The following GPM6A variants were observed in gnomAD, a reference collection of about 807,000 sequenced individuals.
The protein encoded by GPM6A is neuronal membrane glycoprotein M6-a.
Under a neutral mutation model 32.1 loss-of-function variants are expected in GPM6A, and 7 were observed. That is an observed-to-expected ratio of 0.22 (90% CI 0.12 to 0.41). The LOEUF (loss-of-function observed/expected upper bound fraction) is 0.41, where lower values mean the gene tolerates loss of function less well. GPM6A is among the 10% of genes least tolerant of loss of function. GPM6A has a pLI of 1.00. For synonymous variants in GPM6A, 130 were observed against 123.4 expected, an observed-to-expected ratio of 1.05 and a Z score of -0.35; for missense variants, 235 against 347.2, an observed-to-expected ratio of 0.68 and a Z score of 2.57.
At chr4:175,731,223 G>A (rs1731417163) in intron 1 of GPM6A, among the ~76,000 whole-genome samples, 1 of 152,108 alleles carries the variant, frequency 6.6e-6, no homozygotes, top group African/African-American at 2.4e-5. Context: ...CTGCTTAGCT[G>A]GAGTTTCATC....
At chr4:175,823,665 C>G (rs1025248421) in intron 1 of GPM6A, among the ~76,000 whole-genome samples, 3 of 152,172 alleles carry the variant, frequency 2.0e-5, no homozygotes, top group Admixed American at 6.5e-5. Context: ...AAAAACAAGA[C>G]TCAAGTTTTC....
chr4:175,952,525 G>T (rs940239708), intron 1 of GPM6A, among the ~76,000 whole-genome samples: 2 of 152,160 alleles, frequency 1.3e-5, no homozygotes, highest in African/African-American at 4.8e-5. Flanking sequence ...GGTAAGGATT[G>T]TTGTAAGAAA....
intron 1 of GPM6A, among the ~76,000 whole-genome samples, chr4:175,759,656 A>G (rs1326106991): frequency 1.3e-5 from 2 of 152,212 alleles, no homozygotes; most frequent in African/African-American, 4.8e-5. Context: ...TATCCCAGAA[A>G]TGAACACTGG....
chr4:175,787,460 G>T (rs191622431), intron 1 of GPM6A: 3 of 1,495,296 alleles, frequency 2.0e-6, no homozygotes, highest in African/African-American at 2.8e-5. Flanking sequence ...CGTGTTCTGA[G>T]ATTTTTTCTA....
At chr4:175,693,899 A>C (rs1277319580) in intron 2 of GPM6A, among the ~76,000 whole-genome samples, 1 of 152,136 alleles carries the variant, frequency 6.6e-6, no homozygotes, top group Admixed American at 6.6e-5. Context: ...ATGGTTTAGC[A>C]CTATCCCCTC....
chr4:175,716,559 A>C (rs528284538), intron 1 of GPM6A, among the ~76,000 whole-genome samples: 1 of 152,302 alleles, frequency 6.6e-6, no homozygotes, highest in East Asian at 1.9e-4. Context: ...GAATGTATTC[A>C]TCTCTAAACT....
intron 2 of GPM6A, among the ~76,000 whole-genome samples, chr4:175,695,902 G>A (rs1358449528): frequency 6.6e-6 from 1 of 152,050 alleles, no homozygotes; most frequent in Non-Finnish European, 1.5e-5. Flanking sequence ...TGGATCATAG[G>A]GGTGGTTTCT....
intron 1 of GPM6A, among the ~76,000 whole-genome samples, chr4:175,791,225 A>G (rs763886779): frequency 9.2e-5 from 14 of 152,200 alleles, no homozygotes; most frequent in Non-Finnish European, 1.6e-4. Context: ...GTAGAGATAA[A>G]TAAAATGTAT....
chr4:175,711,767 A>T (rs1745563840), intron 1 of GPM6A, among the ~76,000 whole-genome samples: 1 of 151,420 alleles, frequency 6.6e-6, no homozygotes, highest in South Asian at 2.1e-4. Flanking sequence ...GTAATCTGGG[A>T]TTCAGTTGGT....
chr4:175,871,469 C>CA lies in GPM6A; in HGVS notation c.-22-59221dup, dbSNP rs552315195. On this transcript the variant is annotated intron_variant, in intron 1 of 7. Coordinates refer to the GPM6A transcript ENST00000280187. ...TGGGCGACAGAGTAAGACTCCATCTCAAAAAAAATAAAAATAAAGAAAGAA... is the reference window on the plus strand; with the variant it reads ...TGGGCGACAGAGTAAGACTCCATCTCAAAAAAAAATAAAAATAAAGAAAGAA... 4.1e-3 allele frequency among the ~76,000 whole-genome samples: 627 copies of CA among 151,608 alleles called. 5 individuals carry two copies. The highest frequency in any genetic ancestry group is 0.013 in the African/African-American group (557 of 41,332).
At chr4:175,707,067 A>C (rs2111079241) in intron 1 of GPM6A, among the ~76,000 whole-genome samples, 1 of 152,332 alleles carries the variant, frequency 6.6e-6, no homozygotes, top group Non-Finnish European at 1.5e-5. Flanking sequence ...CCCTTTCCCC[A>C]AAAACTCATG....
chr4:175,642,862 C>T (rs928581355), intron 4 of GPM6A, among the ~76,000 whole-genome samples: 3 of 152,028 alleles, frequency 2.0e-5, no homozygotes, highest in African/African-American at 7.2e-5. Flanking sequence ...CTCATCTGAC[C>T]ATTCTATTTG....
intron 1 of GPM6A, among the ~76,000 whole-genome samples, chr4:175,897,682 A>G (rs1186819098): frequency 6.6e-6 from 1 of 152,190 alleles, no homozygotes; most frequent in Non-Finnish European, 1.5e-5. Flanking sequence ...CATGCACTTG[A>G]GAACTTAAGA....
chr4:175,957,985 C>T (rs975114964), intron 1 of GPM6A, among the ~76,000 whole-genome samples: 10 of 152,284 alleles, frequency 6.6e-5, no homozygotes, highest in East Asian at 1.9e-4. Context: ...CTCCACTTCC[C>T]GGGTTCAAAC....
intron 1 of GPM6A, among the ~76,000 whole-genome samples, chr4:175,984,569 T>A (rs910393197): frequency 6.6e-6 from 1 of 152,194 alleles, no homozygotes; most frequent in Non-Finnish European, 1.5e-5. Flanking sequence ...ATCCAACCTG[T>A]TTTTCAATAT....
intron 1 of GPM6A, among the ~76,000 whole-genome samples, chr4:175,997,964 C>T (rs1030409635): frequency 4.6e-5 from 7 of 152,142 alleles, no homozygotes; most frequent in African/African-American, 1.7e-4. Context: ...CCCTCCCTGT[C>T]CCTCAACCAG....
At chr4:175,961,010 T>C (rs1470348957) in intron 1 of GPM6A, among the ~76,000 whole-genome samples, 1 of 152,244 alleles carries the variant, frequency 6.6e-6, no homozygotes, top group Non-Finnish European at 1.5e-5. Context: ...AGAATGTCTA[T>C]GTTACACAAT....
chr4:175,861,613 G>A lies in GPM6A; in HGVS notation c.-22-49364C>T, dbSNP rs948918086. On this transcript the variant is annotated intron_variant, in intron 1 of 7. Transcript: ENST00000280187. Reference sequence around the variant, plus strand: ...CTAAAAATACAAAAATTAACTGTACGTGGTGGCCCACACTGTAATCCCAGT... The same window carrying A: ...CTAAAAATACAAAAATTAACTGTACATGGTGGCCCACACTGTAATCCCAGT... Among the ~76,000 whole-genome samples the A allele has an allele frequency of 2.0e-5, 3 of 151,654 alleles. No individual in the cohort carries two copies. In the East Asian group the frequency reaches 5.8e-4, roughly 29 times the overall value.
At chr4:175,648,417 A>G (rs974101351) in intron 4 of GPM6A, among the ~76,000 whole-genome samples, 1 of 152,240 alleles carries the variant, frequency 6.6e-6, no homozygotes, top group Non-Finnish European at 1.5e-5. Flanking sequence ...TGGCTTTGAC[A>G]GAAAATGGAC....
Sources: gnomAD v4.1 joint callset for allele counts (sites outside exome capture counted in the v4.1 genomes callset) on GRCh38, gnomAD v4.1.1 for gene constraint, MANE v1.5 for transcripts, NCBI Gene and HGNC (gene_info 2026-07-23, HGNC 2026-07-21) for gene names.